The following HYCC2 variants were observed in gnomAD, a reference collection of about 807,000 sequenced individuals.
HYCC2 encodes the protein hyccin 2.
At chr2:201,055,458 G>A in the HYCC2 span, among the ~76,000 whole-genome samples, 1 of 151,556 alleles carries the variant, frequency 6.6e-6, no homozygotes, top group East Asian at 1.9e-4. Flanking sequence ...CAGCACTTTG[G>A]GAGGCCGAGG....
chr2:200,998,754 C>T, the HYCC2 span, among the ~76,000 whole-genome samples: 1 of 152,134 alleles, frequency 6.6e-6, no homozygotes, highest in Non-Finnish European at 1.5e-5. Flanking sequence ...CTTAAATCCT[C>T]GGGTAGGAAC....
At chr2:201,048,169 ATAG>A in the HYCC2 span, among the ~76,000 whole-genome samples, 1 of 152,174 alleles carries the variant, frequency 6.6e-6, no homozygotes, top group Non-Finnish European at 1.5e-5. Context: ...AGTAATAGTA[ATAG>A]TTTGTATTAT....
chr2:201,000,151 T>C, the HYCC2 span, among the ~76,000 whole-genome samples: 3 of 151,432 alleles, frequency 2.0e-5, no homozygotes, highest in Non-Finnish European at 4.4e-5. Flanking sequence ...GCAGGGAGGA[T>C]TGCTTGAGCT....
At chr2:201,036,740 AT>A in the HYCC2 span, among the ~76,000 whole-genome samples, 1 of 152,210 alleles carries the variant, frequency 6.6e-6, no homozygotes, top group Non-Finnish European at 1.5e-5. Context: ...CTGATGGAAC[AT>A]ATCTCAAAAT....
chr2:200,977,980 A>G, the HYCC2 span: 1 of 152,208 alleles, frequency 6.6e-6, no homozygotes, highest in Admixed American at 6.5e-5. Context: ...CTTGGCATAC[A>G]TGGCACCAAC....
chr2:200,973,773 T>A, the HYCC2 span: 1 of 152,164 alleles, frequency 6.6e-6, no homozygotes, highest in African/African-American at 2.4e-5. Flanking sequence ...AAATTTACAC[T>A]CTTAATGTAA....
the HYCC2 span, chr2:201,063,367 A>T: frequency 3.2e-6 from 5 of 1,575,520 alleles, no homozygotes; most frequent in Non-Finnish European, 4.3e-6. Flanking sequence ...TCTCGAGAGA[A>T]GATTCTCAAA....
the HYCC2 span, chr2:201,009,291 TA>T: frequency 5.0e-6 from 2 of 402,224 alleles, no homozygotes; most frequent in Non-Finnish European, 9.1e-6. Context: ...CTGTAAAATA[TA>T]AAACTAAAAA....
chr2:201,015,328 G>T, the HYCC2 span, among the ~76,000 whole-genome samples: 4 of 152,128 alleles, frequency 2.6e-5, no homozygotes, highest in African/African-American at 9.7e-5. Flanking sequence ...AAGTAATCAA[G>T]TCTCAATCTT....
At chr2:201,021,601 T>C in the HYCC2 span, 1 of 161,578 alleles carries the variant, frequency 6.2e-6, no homozygotes, top group African/African-American at 2.4e-5. Flanking sequence ...TACTATTCTA[T>C]GTTCATTATG....
At chr2:201,051,701 C>A in the HYCC2 span, among the ~76,000 whole-genome samples, 1 of 152,142 alleles carries the variant, frequency 6.6e-6, no homozygotes, top group Admixed American at 6.5e-5. Context: ...GGAGGATATA[C>A]CATGTTCATG....
the HYCC2 span, among the ~76,000 whole-genome samples, chr2:201,025,324 A>G: frequency 1.3e-5 from 2 of 152,214 alleles, no homozygotes; most frequent in African/African-American, 4.8e-5. Context: ...CTATACGGCA[A>G]CCATTTGCTA....
At chr2:201,063,509 G>A in the HYCC2 span, 1 of 1,592,304 alleles carries the variant, frequency 6.3e-7, no homozygotes, top group Non-Finnish European at 8.5e-7. Context: ...GACTGACCGA[G>A]GCAGTGGGAA....
chr2:201,033,196 T>TGTGAGA, the HYCC2 span, among the ~76,000 whole-genome samples: 763 of 106,188 alleles, frequency 7.2e-3, 5 homozygotes, highest in Non-Finnish European at 0.012. Context: ...TGTGTGTGTG[T>TGTGAGA]GAGAGAGAGA....
the HYCC2 span, among the ~76,000 whole-genome samples, chr2:201,068,806 C>T: frequency 2.6e-5 from 4 of 152,182 alleles, no homozygotes; most frequent in African/African-American, 9.6e-5. Context: ...TCTGTGCTGG[C>T]TCCCTCCAGA....
At chr2:201,062,279 G>A in the HYCC2 span, among the ~76,000 whole-genome samples, 5 of 152,054 alleles carry the variant, frequency 3.3e-5, no homozygotes, top group African/African-American at 9.7e-5. Flanking sequence ...GGCACTTTGG[G>A]AGGCTGAAAA....
the HYCC2 span, among the ~76,000 whole-genome samples, chr2:200,986,503 C>T: frequency 3.3e-5 from 5 of 152,110 alleles, no homozygotes; most frequent in South Asian, 2.1e-4. Context: ...AAAATTCCTA[C>T]GGCATTACAT....
At chr2:201,022,752 T>A in the HYCC2 span, 1 of 903,196 alleles carries the variant, frequency 1.1e-6, no homozygotes, top group African/African-American at 1.8e-5. Context: ...GAAAGAAAAT[T>A]ATAAAACTTA....
At chr2:201,027,071 A>T in the HYCC2 span, among the ~76,000 whole-genome samples, 1 of 152,274 alleles carries the variant, frequency 6.6e-6, no homozygotes, top group South Asian at 2.1e-4. Flanking sequence ...TGCTAGCACG[A>T]CCAATAAAGA....
Sources: gnomAD v4.1 joint callset for allele counts (sites outside exome capture counted in the v4.1 genomes callset) on GRCh38, gnomAD v4.1.1 for gene constraint, MANE v1.5 for transcripts, NCBI Gene and HGNC (gene_info 2026-07-23, HGNC 2026-07-21) for gene names.